Variants in COL18A1 observed in about 807,000 individuals in gnomAD.
The protein encoded by COL18A1 is collagen alpha-1(XVIII) chain.
COL18A1 carries 133 observed loss-of-function variants against 168.0 expected under a neutral mutation model. The ratio of observed to expected loss-of-function variants is 0.79; its 90% CI spans 0.69 to 0.91. The LOEUF is 0.91. Ranked by LOEUF, COL18A1 falls within the 40% of genes least tolerant of loss-of-function variation. The probability of loss-of-function intolerance (pLI) is 0.00; values close to 1 mark genes in which losing one functional copy is unlikely to be tolerated. For synonymous variants in COL18A1, 949 were observed against 809.0 expected, an observed-to-expected ratio of 1.17 and a Z score of -2.94; for missense variants, 2,126 against 1,925.4, an observed-to-expected ratio of 1.10 and a Z score of -1.95.
chr21:45,437,594 TCA>T (rs1318072561), intron 2 of COL18A1, among the ~76,000 whole-genome samples: 7 of 12,396 alleles, frequency 5.6e-4, no homozygotes, highest in Non-Finnish European at 6.6e-4. Flanking sequence ...ACACACACAC[TCA>T]CACACTCAGA....
At position 45,487,973 on chromosome 21, in the gene COL18A1, T is replaced by C. The variant is rs566545982; in HGVS notation, c.1897-445T>C. Among the ~76,000 whole-genome samples, 43 of 152,346 alleles carry C rather than the reference T, an allele frequency of 2.8e-4. No individual in the cohort carries two copies. In the South Asian group the frequency reaches 8.9e-3, roughly 32 times the overall value. ...AGTGACCAAAATCCCAAAACAACTG[T>C]GCTCAGACAGCTCAGACGTGCCAGG... On this transcript the variant is annotated intron_variant, in intron 17 of 41. Coordinates refer to ENST00000651438, the MANE Select transcript of COL18A1 (RefSeq NM_001379500.1).
At chr21:45,480,883 G>C in intron 13 of COL18A1, 25 bp downstream of exon 13, 1 of 1,599,882 alleles carries the variant, frequency 6.3e-7, no homozygotes, top group Non-Finnish European at 8.5e-7. Context: ...CACCGTCAGT[G>C]TCGGGAGCCC....
At chr21:45,450,717 A>G (rs1359403143) in intron 2 of COL18A1, among the ~76,000 whole-genome samples, 1 of 152,092 alleles carries the variant, frequency 6.6e-6, no homozygotes, top group Admixed American at 6.5e-5. Context: ...AGTTCTTGGC[A>G]CCTGTGTTCA....
In COL18A1 at chr21:45,496,604, C is replaced by G. The variant is rs571161181; in HGVS notation, c.2577+36C>G. 1.2e-3 allele frequency: 1,016 copies of G among 848,412 alleles called. 1 individual carries two copies. Among genetic ancestry groups the G allele is most frequent in the Non-Finnish European group, 1.5e-3 (782 of 536,544 alleles). 52.6% of individuals were successfully genotyped at this position (848,412 alleles called of 1,614,324 possible). A position where few individuals can be genotyped will look rare whatever the true frequency, so the allele number is the denominator to read the frequency against. On this transcript the variant is annotated intron_variant, in intron 30 of 41. Coordinates refer to ENST00000651438, the MANE Select transcript of COL18A1 (RefSeq NM_001379500.1). The stretch of plus-strand genomic sequence containing the variant: ...AGGGCACCCACTGTCCTACAGCCAC[C>G]CTTGGCTGTCACACAGAGCCCCACA...
chr21:45,450,560 A>G (rs1334892496), intron 2 of COL18A1, among the ~76,000 whole-genome samples: 1 of 152,234 alleles, frequency 6.6e-6, no homozygotes, highest in African/African-American at 2.4e-5. Context: ...CCTTTTTAAA[A>G]AAAGAAAATA....
rs2034892367 is a variant in COL18A1 at position 45,457,778 on chromosome 21, C to G, written c.107-10464C>G. 6.6e-6 allele frequency among the ~76,000 whole-genome samples: 1 copy of G among 152,184 alleles called. No homozygotes were observed. Among genetic ancestry groups the G allele is most frequent in the South Asian group, 2.1e-4 (1 of 4,824 alleles). The stretch of plus-strand genomic sequence containing the variant: ...CTCCTCTGCTGTCCTCCCCATAGTG[C>G]CGAGGGGAAGCAGCCTTGCTGTTTG... On this transcript the variant is annotated intron_variant, in intron 2 of 41. Transcript: ENST00000651438. The surrounding 1 kb of genome is among the most constrained non-coding windows in gnomAD (Gnocchi z 4.6).
chr21:45,440,088 C>T (rs991473673), intron 2 of COL18A1, among the ~76,000 whole-genome samples: 1 of 152,234 alleles, frequency 6.6e-6, no homozygotes, highest in Non-Finnish European at 1.5e-5. Flanking sequence ...GATGATGGGG[C>T]AAACGTCTCC....
chr21:45,504,895 T>C (rs2037097853), intron 34 of COL18A1, among the ~76,000 whole-genome samples: 1 of 145,788 alleles, frequency 6.9e-6, no homozygotes, highest in African/African-American at 2.6e-5. Flanking sequence ...CCCCAGCTAC[T>C]GCCTGGGGGC....
intron 2 of COL18A1, among the ~76,000 whole-genome samples, chr21:45,414,967 C>T (rs895549882): frequency 7.2e-5 from 11 of 151,962 alleles, no homozygotes; most frequent in East Asian, 1.9e-4. Flanking sequence ...GAGATGGAGC[C>T]GCTGGGGAGG....
chr21:45,479,600 A>ACC (rs370161182), intron 9 of COL18A1, among the ~76,000 whole-genome samples: 2,134 of 145,038 alleles, frequency 0.015, 47 homozygotes, highest in African/African-American at 0.051. Context: ...CACCATGCAT[A>ACC]CCACACACAC....
intron 2 of COL18A1, among the ~76,000 whole-genome samples, chr21:45,438,364 T>A (rs1373328784): frequency 1.4e-5 from 2 of 140,894 alleles, no homozygotes; most frequent in Non-Finnish European, 3.1e-5. Flanking sequence ...ACACAGGCAC[T>A]CTCCTGCACA....
intron 2 of COL18A1, among the ~76,000 whole-genome samples, chr21:45,411,904 G>T (rs1252030165): frequency 1.3e-5 from 2 of 152,158 alleles, no homozygotes; most frequent in East Asian, 1.9e-4. Flanking sequence ...TTGCTAATTT[G>T]GTTGATGGAA....
rs556406064 is a variant in COL18A1, at chr21:45,499,620, A to G, written c.2683+1959A>G. 2.9e-3 allele frequency among the ~76,000 whole-genome samples: 347 copies of G among 121,410 alleles called. 1 individual carries two copies. Among genetic ancestry groups the G allele is most frequent in the African/African-American group, 9.6e-3 (297 of 31,042 alleles). The allele number at this position is 121,410 out of a possible 152,430, so 79.6% of individuals were successfully genotyped here. ...GAACAGTGGGGTCAGAGGCTCCCGCAGGAACCGGCACAGGCTGCACAGCAT... is the reference window on the plus strand; with the variant it reads ...GAACAGTGGGGTCAGAGGCTCCCGCGGGAACCGGCACAGGCTGCACAGCAT... On this transcript the variant is annotated intron_variant, in intron 32 of 41. Coordinates refer to ENST00000651438, the MANE Select transcript of COL18A1 (RefSeq NM_001379500.1).
intron 2 of COL18A1, chr21:45,456,977 C>T: frequency 9.7e-7 from 1 of 1,028,174 alleles, no homozygotes; most frequent in Non-Finnish European, 1.3e-6. Context: ...GTTCCCCCCA[C>T]ATCGAATCTC....
intron 38 of COL18A1, among the ~76,000 whole-genome samples, 193 bp downstream of exon 38, chr21:45,507,786 C>T (rs1197862482): frequency 6.6e-6 from 1 of 152,202 alleles, no homozygotes; most frequent in African/African-American, 2.4e-5. Flanking sequence ...CCCCCCAGTA[C>T]CTCCGTCTCA....
chr21:45,413,985 C>G (rs1008040802), intron 2 of COL18A1, among the ~76,000 whole-genome samples: 5 of 152,362 alleles, frequency 3.3e-5, no homozygotes, highest in African/African-American at 1.2e-4. Context: ...AGCTTGCCCT[C>G]TCCAAGCCCG....
chr21:45,414,643 G>A (rs946134576), intron 2 of COL18A1, among the ~76,000 whole-genome samples: 5 of 152,206 alleles, frequency 3.3e-5, no homozygotes, highest in Non-Finnish European at 5.9e-5. Flanking sequence ...AGGGCCTCAC[G>A]GACAGCCAGC....
rs973622095 is a variant in COL18A1 at position 45,505,179 on chromosome 21, C to A, written c.2914C>A (p.Pro972Thr). 8 of 1,606,354 alleles carry A rather than the reference C, an allele frequency of 5.0e-6. No individual in the cohort carries two copies. Among genetic ancestry groups the A allele is most frequent in the African/African-American group, 1.3e-5 (1 of 74,810 alleles). Residue 972 changes from proline to threonine, a missense_variant, in exon 35 of 42, where the codon CCT becomes ACT. Physicochemically the swap from Pro to Thr is conservative, Grantham distance 38 (BLOSUM62 -1). Coordinates refer to ENST00000651438, the MANE Select transcript of COL18A1 (RefSeq NM_001379500.1). ...CCGGGGCCAGCCCGGCCCACCTGGA[C>A]CTCAGGGACCCCCCGGCATCGGCTA... Reference protein sequence around the residue: ...SIRGQPGPPGPQGPPGIGYEG... With the variant: ...SIRGQPGPPGTQGPPGIGYEG...
chr21:45,472,510 C>T (rs1055501477), intron 3 of COL18A1, among the ~76,000 whole-genome samples: 3 of 152,188 alleles, frequency 2.0e-5, no homozygotes, highest in African/African-American at 4.8e-5. Flanking sequence ...TGCGCCCGGC[C>T]GAAGCGCAGT....
Sources: gnomAD v4.1 joint callset for allele counts (sites outside exome capture counted in the v4.1 genomes callset) on GRCh38, gnomAD v4.1.1 for gene constraint, Gnocchi (gnomAD v3.1) non-coding constraint, MANE v1.5 for transcripts, NCBI Gene and HGNC (gene_info 2026-07-23, HGNC 2026-07-21) for gene names.